PDE4D: variants seen among roughly 807,000 people sequenced by gnomAD.
PDE4D encodes the protein 3',5'-cyclic-AMP phosphodiesterase 4D.
A neutral mutation model predicts 87.4 loss-of-function variants in PDE4D; 24 were observed. The ratio of observed to expected loss-of-function variants is 0.27; its 90% confidence interval spans 0.20 to 0.39. The LOEUF (loss-of-function observed/expected upper bound fraction) is 0.39. Ranked by LOEUF, PDE4D falls within the 10% of genes least tolerant of loss-of-function variation. The pLI, the probability that PDE4D is intolerant of heterozygous loss-of-function variation, is 1.00. For synonymous variants in PDE4D, 384 were observed against 383.2 expected (o/e 1.00, Z -0.02); for missense variants, 714 against 1,041.0 (o/e 0.69, Z 4.32).
intron 1 of PDE4D, chr5:59,217,961 G>C (rs112986909): frequency 4.1e-4 from 191 of 471,364 alleles, no homozygotes; most frequent in African/African-American, 3.4e-3. Context: ...AGTGCATTAA[G>C]ATACAAAAAT....
chr5:59,245,875 T>A (rs548569153), intron 1 of PDE4D, among the ~76,000 whole-genome samples: 13 of 152,192 alleles, frequency 8.5e-5, no homozygotes, highest in African/African-American at 3.1e-4. Context: ...AAAATCAGCT[T>A]GATTCCATTC....
chr5:59,825,539 A>C (rs930790795), intron 1 of PDE4D, among the ~76,000 whole-genome samples: 7 of 152,280 alleles, frequency 4.6e-5, no homozygotes, highest in Admixed American at 2.6e-4. Flanking sequence ...CCAGGTGTTT[A>C]GTTCTTGTCC....
intron 2 of PDE4D, among the ~76,000 whole-genome samples, chr5:60,129,696 G>T (rs1192941708): frequency 6.6e-6 from 1 of 152,134 alleles, no homozygotes; most frequent in East Asian, 1.9e-4. Context: ...ATATTTGATT[G>T]CTGCTGTTAG....
In PDE4D at chr5:59,147,934, G is replaced by A. The variant is rs112747130; in HGVS notation, c.808+32661C>T. On this transcript the variant is annotated intron_variant, in intron 5 of 14. Coordinates refer to ENST00000340635, the MANE Select transcript of PDE4D (RefSeq NM_001104631.2). The stretch of plus-strand genomic sequence containing the variant: ...TCTTTCAATGAAGATAACCAGTTAC[G>A]AATATCTCCTATACCATATTAGGCC... 2.9e-3 allele frequency among the ~76,000 whole-genome samples: 445 copies of A among 152,128 alleles called. 2 individuals are homozygous for A. Among genetic ancestry groups the A allele is most frequent in the African/African-American group, 0.01 (419 of 41,512 alleles).
At chr5:60,036,280 CT>C (rs1208074000) in intron 2 of PDE4D, among the ~76,000 whole-genome samples, 3 of 152,200 alleles carry the variant, frequency 2.0e-5, no homozygotes, top group African/African-American at 7.2e-5. Flanking sequence ...TGCAGACACA[CT>C]TGTACAGCTA....
intron 5 of PDE4D, among the ~76,000 whole-genome samples, chr5:59,096,087 G>C (rs62356692): frequency 0.22 from 32,928 of 152,166 alleles, 4,535 homozygotes; most frequent in Middle Eastern, 0.35. Flanking sequence ...GGAATCTGTG[G>C]GAGTTAGTGG....
Position 59,189,247 on chromosome 5 carries a change from T to TTTG in PDE4D, c.685-3986_685-3985insCAA, listed in dbSNP as rs1561663426. On this transcript the variant is annotated intron_variant, in intron 3 of 14. Transcript: ENST00000340635. The stretch of plus-strand genomic sequence containing the variant: ...TTCCTACCCCGTTTTTTTTTTTGTT[T>TTTG]TTTTTGTTTTTTTTTTTTTGAGACG... Among the ~76,000 whole-genome samples the TTTG allele has an allele frequency of 1.3e-4, 13 of 102,526 alleles. 1 individual carries two copies. The highest frequency in any genetic ancestry group is 4.8e-4 in the African/African-American group (11 of 22,808). The allele number at this position is 102,526 out of a possible 152,430, so 67.3% of individuals were successfully genotyped here. A position where few individuals can be genotyped will look rare whatever the true frequency, so the allele number is the denominator to read the frequency against.
intron 1 of PDE4D, among the ~76,000 whole-genome samples, chr5:59,338,288 C>A (rs1290075167): frequency 5.9e-5 from 9 of 152,158 alleles, no homozygotes. Flanking sequence ...TATGGCACAG[C>A]AGAAACAGAA....
chr5:59,404,998 T>C lies in PDE4D; in HGVS notation c.456-189030A>G, dbSNP rs9918223. On this transcript the variant is annotated intron_variant, in intron 1 of 14. Coordinates refer to ENST00000340635, the MANE Select transcript of PDE4D (RefSeq NM_001104631.2). ...TGGTTACTATAGCTCTGTAGTGTTATTTGAAGTCAGGTAATATGATTCCTC... is the reference window on the plus strand; with the variant it reads ...TGGTTACTATAGCTCTGTAGTGTTACTTGAAGTCAGGTAATATGATTCCTC... Among the ~76,000 whole-genome samples, 1,354 of 152,310 alleles carry C rather than the reference T, an allele frequency of 8.9e-3. 26 individuals carry two copies. The highest frequency in any genetic ancestry group is 0.031 in the African/African-American group (1,297 of 41,564).
At chr5:59,157,866 A>C (rs1044242867) in intron 5 of PDE4D, among the ~76,000 whole-genome samples, 1 of 152,232 alleles carries the variant, frequency 6.6e-6, no homozygotes, top group African/African-American at 2.4e-5. Flanking sequence ...CAAAGAAAGG[A>C]TGACCTCAGG....
At chr5:59,790,375 C>A (rs1457691407) in intron 1 of PDE4D, among the ~76,000 whole-genome samples, 1 of 152,140 alleles carries the variant, frequency 6.6e-6, no homozygotes, top group African/African-American at 2.4e-5. Flanking sequence ...TTCTTACCTT[C>A]AAAATATTTC....
At position 59,771,483 on chromosome 5, in the gene PDE4D, A is replaced by AAG. The variant is rs1175904019; in HGVS notation, c.455+121683_455+121684dup. Among the ~76,000 whole-genome samples, 278 of 54,314 alleles carry AAG rather than the reference A, an allele frequency of 5.1e-3. 6 individuals carry two copies. The highest frequency in any genetic ancestry group is 0.015 in the African/African-American group (219 of 14,976). The allele number at this position is 54,314 out of a possible 152,430, so 35.6% of individuals were successfully genotyped here. A position where few individuals can be genotyped will look rare whatever the true frequency, so the allele number is the denominator to read the frequency against. ...AAAGAAAGAAAGAAAGAAAGAAAGAAAGAGAGAGAGAGAGAGAAGAAAGAA... is the reference window on the plus strand; with the variant it reads ...AAAGAAAGAAAGAAAGAAAGAAAGAAAGAGAGAGAGAGAGAGAGAAGAAAGAA... On this transcript the variant is annotated intron_variant, in intron 1 of 14. Transcript: ENST00000340635.
rs1043991627 is a variant in PDE4D at position 59,489,276 on chromosome 5, C to CA, written c.456-273309dup. 3.0e-4 allele frequency among the ~76,000 whole-genome samples: 41 copies of CA among 138,054 alleles called. 1 individual carries two copies. The highest frequency in any genetic ancestry group is 1.6e-3 in the Admixed American group (22 of 13,890). 90.6% of individuals were successfully genotyped at this position (138,054 alleles called of 152,430 possible). A position where few individuals can be genotyped will look rare whatever the true frequency, so the allele number is the denominator to read the frequency against. ...GAGACTCCATCTCAAAAAAAAAAAA[C>CA]AAAAAAAACAAAAAAAAACATTGTT... On this transcript the variant is annotated intron_variant, in intron 1 of 14. Transcript: ENST00000340635.
At chr5:59,708,580 T>G (rs10076914) in intron 1 of PDE4D, among the ~76,000 whole-genome samples, 7,136 of 152,212 alleles carry the variant, frequency 0.047, 193 homozygotes, top group South Asian at 0.062. Flanking sequence ...AACAAAAGCT[T>G]GCCAGTCAAC....
intron 1 of PDE4D, among the ~76,000 whole-genome samples, chr5:59,262,175 C>G (rs963248400): frequency 6.6e-6 from 1 of 151,786 alleles, no homozygotes; most frequent in South Asian, 2.1e-4. Context: ...TTTATGAAGC[C>G]GAGTGCTGTA....
At chr5:59,650,819 T>C (rs1482409637) in intron 1 of PDE4D, among the ~76,000 whole-genome samples, 2 of 152,164 alleles carry the variant, frequency 1.3e-5, no homozygotes, top group Non-Finnish European at 2.9e-5. Context: ...TTGATGTTTT[T>C]GTGGTTGCCT....
intron 1 of PDE4D, among the ~76,000 whole-genome samples, chr5:59,522,047 T>G (rs1212994232): frequency 1.3e-5 from 2 of 152,218 alleles, no homozygotes; most frequent in Admixed American, 6.5e-5. Context: ...GAAATTATTA[T>G]AGAACATTGT....
chr5:59,502,777 A>G (rs896339165), intron 1 of PDE4D, among the ~76,000 whole-genome samples: 1 of 151,584 alleles, frequency 6.6e-6, no homozygotes, highest in African/African-American at 2.4e-5. Context: ...GTTTTTCTTG[A>G]TATAAAAATT....
intron 1 of PDE4D, among the ~76,000 whole-genome samples, chr5:59,377,188 C>T (rs1294333571): frequency 1.3e-5 from 2 of 152,070 alleles, no homozygotes; most frequent in African/African-American, 4.8e-5. Flanking sequence ...GAGGCTGAGG[C>T]AGGCAGATCA....
Sources: gnomAD v4.1 joint callset for allele counts (sites outside exome capture counted in the v4.1 genomes callset) on GRCh38, gnomAD v4.1.1 for gene constraint, MANE v1.5 for transcripts, NCBI Gene and HGNC (gene_info 2026-07-23, HGNC 2026-07-21) for gene names.